ALS2: variants seen among roughly 807,000 people sequenced by gnomAD.
The protein encoded by ALS2 is alsin.
ALS2 carries 117 observed loss-of-function variants against 203.4 expected under a neutral mutation model. That is an observed-to-expected ratio of 0.58 (90% CI 0.50 to 0.67). The LOEUF (loss-of-function observed/expected upper bound fraction) is 0.67. Ranked by LOEUF, ALS2 falls within the 30% of genes least tolerant of loss-of-function variation. The pLI, the probability that ALS2 is intolerant of heterozygous loss-of-function variation, is 0.00. For synonymous variants in ALS2, 718 were observed against 725.9 expected (o/e 0.99, Z 0.17); for missense variants, 1,715 against 1,989.4 (o/e 0.86, Z 2.62).
chr2:201,743,340 G>A (rs1692413851), intron 10 of ALS2, among the ~76,000 whole-genome samples: 1 of 152,066 alleles, frequency 6.6e-6, no homozygotes. Flanking sequence ...GAGACCCCCA[G>A]GTACCCAGTA....
rs1553513336 is a variant in ALS2 at position 201,753,224 on chromosome 2, T to C, written c.1659A>G (p.Val553=). The change falls in exon 7 of 34, where the codon GTA becomes GTG. Residue 553 remains valine (V), a synonymous_variant. Coordinates refer to ENST00000264276, the MANE Select transcript of ALS2 (RefSeq NM_020919.4). The part of the protein sequence containing the change: ...DVLPRLQPLC[V]KCLDGKEVIH... ...TTACTTCTTTGCCATCCAGACATTT[T>C]ACACACAACGGTTGAAGCCTTAAAA... 1 of 1,614,126 alleles carries C rather than the reference T, an allele frequency of 6.2e-7. No homozygotes were observed. The highest frequency in any genetic ancestry group is 8.5e-7 in the Non-Finnish European group (1 of 1,179,980).
chr2:201,724,276 T>A lies in ALS2; in HGVS notation c.3512+19A>T. 6.2e-7 allele frequency: 1 copy of A among 1,608,896 alleles called. No individual in the cohort carries two copies. The highest frequency in any genetic ancestry group is 8.5e-7 in the Non-Finnish European group (1 of 1,175,554). ...TAATCATTGGCTTAAACTGTGGGAA[T>A]AGAAGGAGAATACTGTACCTAGTGA... On this transcript the variant is annotated intron_variant, in intron 21 of 33. Transcript: ENST00000264276.
intron 1 of ALS2, among the ~76,000 whole-genome samples, chr2:201,770,583 T>A (rs1051652357): frequency 1.4e-4 from 22 of 152,314 alleles, no homozygotes; most frequent in African/African-American, 4.8e-4. Context: ...AACTTGTGAC[T>A]ATGTTAGGTT....
intron 7 of ALS2, among the ~76,000 whole-genome samples, chr2:201,750,363 T>G (rs1435431102): frequency 1.3e-5 from 2 of 152,162 alleles, no homozygotes; most frequent in Non-Finnish European, 1.5e-5. Flanking sequence ...GAGAGGTTAA[T>G]TTACCCATGG....
chr2:201,745,403 C>G (rs1479520822), intron 9 of ALS2, among the ~76,000 whole-genome samples: 1 of 151,720 alleles, frequency 6.6e-6, no homozygotes, highest in Non-Finnish European at 1.5e-5. Flanking sequence ...AACTTACTAG[C>G]CAGAAAAACA....
chr2:201,750,852 CTTTTT>C (rs550778369), intron 7 of ALS2, among the ~76,000 whole-genome samples: 1 of 137,518 alleles, frequency 7.3e-6, no homozygotes, highest in Non-Finnish European at 1.6e-5. Context: ...TTTCCAATTC[CTTTTT>C]TTTTTTTTTT....
In ALS2 at chr2:201,701,803, T is replaced by C; in HGVS notation, c.*48A>G. On this transcript the variant is annotated 3_prime_UTR_variant, in exon 34 of 34. Transcript: ENST00000264276. ...CACTACAGGAAGACTCCAGATGGTG[T>C]TATAACACTCTGTAGTAGATAATCC... 6.3e-7 allele frequency: 1 copy of C among 1,581,980 alleles called. No homozygotes were observed. The highest frequency in any genetic ancestry group is 8.7e-7 in the Non-Finnish European group (1 of 1,151,204).
At chr2:201,756,113 GGATAT>G (rs1693368594) in intron 5 of ALS2, among the ~76,000 whole-genome samples, 1 of 152,068 alleles carries the variant, frequency 6.6e-6, no homozygotes, top group Admixed American at 6.6e-5. Flanking sequence ...TTTAACCATA[GGATAT>G]AAGTCTATTA....
intron 21 of ALS2, 47 bp downstream of exon 21, chr2:201,724,248 G>A (rs1313590224): frequency 1.3e-6 from 2 of 1,558,938 alleles, no homozygotes; most frequent in Admixed American, 1.7e-5. Context: ...TAATGATGGT[G>A]CTTAATCATT....
At chr2:201,726,162 A>G (rs79143385) in intron 19 of ALS2, among the ~76,000 whole-genome samples, 12,988 of 152,216 alleles carry the variant, frequency 0.085, 618 homozygotes, top group Middle Eastern at 0.12. Context: ...GAGGACTACC[A>G]TCTCAATAGT....
Position 201,761,763 on chromosome 2 carries a change from A to C in ALS2, c.231T>G (p.Ile77Met). The C allele has an allele frequency of 6.2e-7, 1 of 1,614,100 alleles. No homozygotes were observed. The highest frequency in any genetic ancestry group is 8.5e-7 in the Non-Finnish European group (1 of 1,180,020). ...TTTCTAGAATGGGGCTACTTGGACAAATCTCCACTGGTCCACTTCTCCAGG... is the reference window on the plus strand; with the variant it reads ...TTTCTAGAATGGGGCTACTTGGACACATCTCCACTGGTCCACTTCTCCAGG... ...TLPWRSGPVEICPSSPILENA... is the reference protein window; with the variant it reads ...TLPWRSGPVEMCPSSPILENA... The change falls in exon 4 of 34, where the codon ATT (isoleucine) becomes ATG (methionine). Residue 77 changes from isoleucine (I) to methionine (M), a missense_variant. Ile to Met is a conservative substitution (Grantham distance 10). Around this residue, in one of 3 missense-constraint regions of ALS2, gnomAD observed 476 missense variants for 539.3 expected, o/e 0.88. Coordinates refer to ENST00000264276, the MANE Select transcript of ALS2 (RefSeq NM_020919.4).
intron 10 of ALS2, among the ~76,000 whole-genome samples, chr2:201,743,768 C>A (rs1692448455): frequency 6.6e-6 from 1 of 152,180 alleles, no homozygotes; most frequent in African/African-American, 2.4e-5. Flanking sequence ...AGCCACCAAG[C>A]CCAGTCGGAT....
chr2:201,760,131 T>A (rs1361578142), intron 4 of ALS2: 1 of 624,340 alleles, frequency 1.6e-6, no homozygotes, highest in East Asian at 1.4e-4. Context: ...GAGATGAGCC[T>A]GGGCAACAGG....
chr2:201,703,807 G>A (rs895547776), intron 33 of ALS2, among the ~76,000 whole-genome samples: 1 of 152,064 alleles, frequency 6.6e-6, no homozygotes, highest in South Asian at 2.1e-4. Flanking sequence ...AAACTTTCTT[G>A]GACACTAAGA....
chr2:201,717,540 T>C (rs565420819), intron 24 of ALS2, among the ~76,000 whole-genome samples: 8 of 151,498 alleles, frequency 5.3e-5, no homozygotes, highest in Admixed American at 1.3e-4. Flanking sequence ...ATCCATGCTT[T>C]AAGGCTTATA....
intron 17 of ALS2, 77 bp from the exon 18 acceptor site, chr2:201,726,943 T>C (rs1262241042): frequency 1.5e-6 from 2 of 1,304,742 alleles, no homozygotes; most frequent in Admixed American, 2.0e-5. Flanking sequence ...CTAGTTTTCT[T>C]TGGTGTGAAT....
chr2:201,761,614 T>C lies in ALS2; in HGVS notation c.380A>G (p.Asn127Ser). ...ATTTGGTTCCGGCACATACTGCTGG[T>C]TGGCTACTGCACACTGGCCAGCAGA... ...ENSAGQCAVANQQYVPEPNPV... is the reference protein window; with the variant it reads ...ENSAGQCAVASQQYVPEPNPV... Residue 127 changes from asparagine (N) to serine (S), a missense_variant, in exon 4 of 34, where the codon AAC becomes AGC. Asn to Ser is a conservative substitution (Grantham distance 46). Coordinates refer to ENST00000264276, the MANE Select transcript of ALS2 (RefSeq NM_020919.4). 6.2e-7 allele frequency: 1 copy of C among 1,614,220 alleles called. No individual in the cohort carries two copies. Among genetic ancestry groups the C allele is most frequent in the Non-Finnish European group, 8.5e-7 (1 of 1,180,042 alleles).
At position 201,744,404 on chromosome 2, in the gene ALS2, G is replaced by C. The variant is rs201232912; in HGVS notation, c.2024C>G (p.Ala675Gly). Residue 675 changes from alanine (A) to glycine (G), a missense_variant, in exon 10 of 34, where the codon GCA becomes GGA. This residue lies in a region of ALS2 where 1,227 missense variants were observed against 1,413.5 expected (regional missense o/e 0.87). Transcript: ENST00000264276. The stretch of plus-strand genomic sequence containing the variant: ...CAAGGCTAAATAGCTATCTTTTCCT[G>C]CTGTCACTCTGCTTATATATCCAAG... Reference protein sequence around the residue: ...SKLGYISRVTAGKDSYLALVD... With the variant: ...SKLGYISRVTGGKDSYLALVD... The C allele has an allele frequency of 6.2e-7, 1 of 1,613,972 alleles. No homozygotes were observed. The highest frequency in any genetic ancestry group is 8.5e-7 in the Non-Finnish European group (1 of 1,179,978).
intron 7 of ALS2, among the ~76,000 whole-genome samples, chr2:201,751,845 C>T (rs957034194): frequency 2.0e-5 from 3 of 152,094 alleles, no homozygotes; most frequent in African/African-American, 7.2e-5. Context: ...TTAGTTTTCT[C>T]CTACAAATAC....
Sources: gnomAD v4.1 joint callset for allele counts (sites outside exome capture counted in the v4.1 genomes callset) on GRCh38, gnomAD v4.1.1 for gene constraint, gnomAD v4.1.1 regional missense constraint, MANE v1.5 for transcripts, NCBI Gene and HGNC (gene_info 2026-07-23, HGNC 2026-07-21) for gene names.